TMEM51: variants seen among roughly 807,000 people sequenced by gnomAD.
The protein encoded by TMEM51 is transmembrane protein 51.
A neutral mutation model predicts 13.6 loss-of-function variants in TMEM51; 8 were observed. The ratio of observed to expected loss-of-function variants is 0.59; its 90% CI spans 0.35 to 1.07. TMEM51 has a LOEUF of 1.07. TMEM51 is among the 50% of genes least tolerant of loss of function. TMEM51 has a pLI of 0.02. For missense variants in TMEM51, 279 were observed against 330.7 expected (o/e 0.84, Z 1.21); for synonymous variants, 147 against 144.4 (o/e 1.02, Z -0.13).
intron 1 of TMEM51, among the ~76,000 whole-genome samples, chr1:15,200,364 T>C (rs1047908031): frequency 7.6e-6 from 1 of 131,262 alleles, no homozygotes; most frequent in Admixed American, 9.2e-5. Flanking sequence ...ACTGTGATCA[T>C]GCCACTGTAC....
intron 1 of TMEM51, among the ~76,000 whole-genome samples, chr1:15,193,253 C>T (rs1426611953): frequency 6.6e-6 from 1 of 152,230 alleles, no homozygotes; most frequent in African/African-American, 2.4e-5. Flanking sequence ...CAGCTGCCGG[C>T]CCTAGGCCTC....
chr1:15,195,877 G>A lies in TMEM51; in HGVS notation c.-266-14613G>A, dbSNP rs116185525. Among the ~76,000 whole-genome samples the A allele has an allele frequency of 2.0e-3, 310 of 152,250 alleles. 1 individual carries two copies. Among genetic ancestry groups the A allele is most frequent in the African/African-American group, 7.0e-3 (292 of 41,510 alleles). Reference sequence around the variant, plus strand: ...CCCAGGAGACGTGGCTTGTGGGAAAGAAGCCCAAGCAGTCCTGGCTGAACT... The same window carrying A: ...CCCAGGAGACGTGGCTTGTGGGAAAAAAGCCCAAGCAGTCCTGGCTGAACT... On this transcript the variant is annotated intron_variant, in intron 1 of 3. Transcript: ENST00000376008.
chr1:15,164,808 T>TTC (rs1642930310), intron 1 of TMEM51, among the ~76,000 whole-genome samples: 3 of 36,648 alleles, frequency 8.2e-5, no homozygotes. Context: ...TTTTTTTTCC[T>TTC]TTTTTTTTTT....
intron 1 of TMEM51, among the ~76,000 whole-genome samples, chr1:15,155,646 C>T (rs1047439795): frequency 1.3e-4 from 20 of 152,228 alleles, no homozygotes; most frequent in African/African-American, 4.8e-4. Context: ...AAAGGCACAG[C>T]GACAGGAGAG....
intron 1 of TMEM51, among the ~76,000 whole-genome samples, chr1:15,154,634 T>C (rs72640788): frequency 0.066 from 9,998 of 151,878 alleles, 446 homozygotes; most frequent in Middle Eastern, 0.092. Context: ...AGAGTACAAA[T>C]CAGATCTCAA....
chr1:15,165,940 A>G (rs1642981137), intron 1 of TMEM51, among the ~76,000 whole-genome samples: 1 of 152,206 alleles, frequency 6.6e-6, no homozygotes, highest in Non-Finnish European at 1.5e-5. Context: ...CATCTCAAAA[A>G]AAAAGTTAGG....
rs375287380 is a variant in TMEM51, at chr1:15,215,802, G to A, written c.344+371G>A. Among the ~76,000 whole-genome samples the A allele has an allele frequency of 5.6e-4, 85 of 152,292 alleles. 1 individual carries two copies. The South Asian group carries it at 0.014, about 25-fold the overall frequency. On this transcript the variant is annotated intron_variant, in intron 3 of 3. Coordinates refer to ENST00000376008, the MANE Select transcript of TMEM51 (RefSeq NM_001136218.2). ...AGAACTTTGGGAGGCCGAGGCAGGTGGATCACTTGAGGTCAGGAGTTTGAG... is the reference window on the plus strand; with the variant it reads ...AGAACTTTGGGAGGCCGAGGCAGGTAGATCACTTGAGGTCAGGAGTTTGAG...
intron 1 of TMEM51, among the ~76,000 whole-genome samples, chr1:15,174,470 G>A (rs1373012706): frequency 6.6e-6 from 1 of 152,086 alleles, no homozygotes; most frequent in Non-Finnish European, 1.5e-5. Context: ...TCAAATTCCT[G>A]GGGTCAGGTG....
intron 1 of TMEM51, among the ~76,000 whole-genome samples, chr1:15,173,214 CTTTTTTTT>C (rs3078132): frequency 3.1e-5 from 3 of 97,034 alleles, no homozygotes; most frequent in East Asian, 6.1e-4. Context: ...TGATCATATT[CTTTTTTTT>C]TTTTTTTTTT....
chr1:15,168,740 G>A (rs1643125180), intron 1 of TMEM51: 1 of 1,304,328 alleles, frequency 7.7e-7, no homozygotes, highest in Non-Finnish European at 1.0e-6. Flanking sequence ...CTCACAGAAA[G>A]GAGCAGACAA....
intron 1 of TMEM51, among the ~76,000 whole-genome samples, chr1:15,178,278 T>TC (rs1392665294): frequency 6.6e-6 from 1 of 152,116 alleles, no homozygotes; most frequent in Non-Finnish European, 1.5e-5. Context: ...TGGTGGCTCT[T>TC]CCAAGCCTTA....
rs1199647630 is a variant in TMEM51, at chr1:15,161,964, A to G, written c.-267+8010A>G. On this transcript the variant is annotated intron_variant, in intron 1 of 3. Transcript: ENST00000376008. The surrounding 1 kb of genome is among the most constrained non-coding windows in gnomAD (Gnocchi z 4.0). Reference sequence around the variant, plus strand: ...GAAAGAGGTTTATTTAGCCCATGGCATCTCAGATGCATCAGCATCTGCTTC... The same window carrying G: ...GAAAGAGGTTTATTTAGCCCATGGCGTCTCAGATGCATCAGCATCTGCTTC... Among the ~76,000 whole-genome samples, 1 of 152,002 alleles carries G rather than the reference A, an allele frequency of 6.6e-6. No individual in the cohort carries two copies. Among genetic ancestry groups the G allele is most frequent in the Admixed American group, 6.5e-5 (1 of 15,272 alleles).
rs1353024628 is a variant in TMEM51, at chr1:15,153,878, G to C, written c.-343G>C. On this transcript the variant is annotated 5_prime_UTR_variant, in exon 1 of 4. Transcript: ENST00000376008. Reference sequence around the variant, plus strand: ...GCGGCGCCCACCGAGGAGGCCGCCCGGGTGGGGCGCGGGGGTCGCGAAGCC... The same window carrying C: ...GCGGCGCCCACCGAGGAGGCCGCCCCGGTGGGGCGCGGGGGTCGCGAAGCC... The C allele has an allele frequency of 6.6e-6, 1 of 151,954 alleles. No individual in the cohort carries two copies. Among genetic ancestry groups the C allele is most frequent in the Non-Finnish European group, 1.5e-5 (1 of 68,018 alleles). The allele number at this position is 151,954 out of a possible 1,614,324, so 9.4% of individuals were successfully genotyped here.
intron 2 of TMEM51, among the ~76,000 whole-genome samples, chr1:15,214,068 G>A (rs1210472608): frequency 3.3e-5 from 5 of 149,968 alleles, no homozygotes; most frequent in Non-Finnish European, 5.9e-5. Flanking sequence ...GGCCAGGATG[G>A]TCTTGATCTC....
chr1:15,166,708 G>C (rs1317817165), intron 1 of TMEM51, among the ~76,000 whole-genome samples: 1 of 152,120 alleles, frequency 6.6e-6, no homozygotes, highest in Admixed American at 6.6e-5. Flanking sequence ...GACAGAGTGA[G>C]ACTCTATCTC....
chr1:15,165,887 G>A (rs1006092177), intron 1 of TMEM51, among the ~76,000 whole-genome samples: 29 of 151,448 alleles, frequency 1.9e-4, no homozygotes, highest in East Asian at 5.8e-4. Flanking sequence ...GCGGTGAGCC[G>A]AGATTGCGCC....
At chr1:15,194,917 C>CTT (rs34885407) in intron 1 of TMEM51, among the ~76,000 whole-genome samples, 11,111 of 93,162 alleles carry the variant, frequency 0.12, 666 homozygotes, top group African/African-American at 0.13. Context: ...TATAATTTTA[C>CTT]TTTTTTTTTT....
In TMEM51 at chr1:15,215,345, G is replaced by C; in HGVS notation, c.258G>C (p.Arg86Ser). ...TGCTTTCTATCTGCCTGAGTATCAG[G>C]GATAAGAGGAAGCAGCGGCAGGGCG... Reference protein sequence around the residue: ...LLLLSICLSIRDKRKQRQGED... With the variant: ...LLLLSICLSISDKRKQRQGED... The change falls in exon 3 of 4, where the codon AGG becomes AGC. Residue 86 changes from arginine (R) to serine (S), a missense_variant. Transcript: ENST00000376008. 1 of 1,613,826 alleles carries C rather than the reference G, an allele frequency of 6.2e-7. No individual in the cohort carries two copies. Among genetic ancestry groups the C allele is most frequent in the Non-Finnish European group, 8.5e-7 (1 of 1,180,046 alleles).
chr1:15,164,947 T>C (rs1642939132), intron 1 of TMEM51, among the ~76,000 whole-genome samples: 1 of 151,640 alleles, frequency 6.6e-6, no homozygotes, highest in Non-Finnish European at 1.5e-5. Context: ...GGACTACAGG[T>C]GCGCGCCACC....
Sources: allele counts gnomAD v4.1 joint callset (sites outside exome capture counted in the v4.1 genomes callset), GRCh38; gene constraint gnomAD v4.1.1; non-coding constraint Gnocchi (gnomAD v3.1); transcripts MANE v1.5; gene names NCBI Gene and HGNC (gene_info 2026-07-23, HGNC 2026-07-21).